C14orf132: variants seen among roughly 807,000 people sequenced by gnomAD.
The protein encoded by C14orf132 is chromosome 14 open reading frame 132.
A neutral mutation model predicts 5.8 loss-of-function variants in C14orf132; 6 were observed. The observed-to-expected ratio is 1.03, with a 90% CI of 0.57 to 2.04. The LOEUF is 2.04. C14orf132 is among the 30% of genes most tolerant of loss of function. The pLI, the probability that C14orf132 is intolerant of heterozygous loss-of-function variation, is 0.00. For synonymous variants in C14orf132, 51 were observed against 49.8 expected, an observed-to-expected ratio of 1.02 and a Z score of -0.10; for missense variants, 125 against 115.8, an observed-to-expected ratio of 1.08 and a Z score of -0.37.
Position 96,091,857 on chromosome 14 carries a change from CCT to C in C14orf132, c.*5127_*5128del, listed in dbSNP as rs999918281. The C allele has an allele frequency of 6.6e-6, 1 of 152,126 alleles. No homozygotes were observed. Among genetic ancestry groups the C allele is most frequent in the Non-Finnish European group, 1.5e-5 (1 of 68,034 alleles). 9.4% of individuals were successfully genotyped at this position (152,126 alleles called of 1,614,324 possible). On this transcript the variant is annotated 3_prime_UTR_variant, in exon 2 of 2. Coordinates refer to ENST00000555004, the MANE Select transcript of C14orf132 (RefSeq NM_001252507.3). ...CACAGCTTCCAAGCAGGAAAAGGGA[CCT>C]CTCTGAAAAATCTGGATAACCAGAA...
chr14:96,073,607 T>C (rs1425398817), intron 1 of C14orf132, among the ~76,000 whole-genome samples: 1 of 152,180 alleles, frequency 6.6e-6, no homozygotes, highest in Non-Finnish European at 1.5e-5. Context: ...AGCTCAACCG[T>C]TTTGGAAGAC....
chr14:96,069,178 T>A (rs1345500454), intron 1 of C14orf132, among the ~76,000 whole-genome samples: 4 of 119,880 alleles, frequency 3.3e-5, no homozygotes, highest in Non-Finnish European at 6.7e-5. Flanking sequence ...CATATATATA[T>A]GTATATATAT....
intron 1 of C14orf132, among the ~76,000 whole-genome samples, chr14:96,064,359 T>TACACAC (rs766139041): frequency 2.1e-4 from 21 of 98,692 alleles, no homozygotes; most frequent in South Asian, 2.0e-3. Flanking sequence ...CTAGGGTGCA[T>TACACAC]ATATACACAC....
chr14:96,056,005 C>A (rs527769224), intron 1 of C14orf132, among the ~76,000 whole-genome samples: 1 of 152,208 alleles, frequency 6.6e-6, no homozygotes, highest in East Asian at 1.9e-4. Context: ...AGGAACCCAC[C>A]CCCTGGGATT....
chr14:96,058,748 C>T (rs1887257180), intron 1 of C14orf132, among the ~76,000 whole-genome samples: 1 of 152,194 alleles, frequency 6.6e-6, no homozygotes, highest in Admixed American at 6.5e-5. Context: ...CATAGATTTC[C>T]CTGCCTGGCC....
chr14:96,055,195 A>G (rs762417471), intron 1 of C14orf132, among the ~76,000 whole-genome samples: 1 of 152,194 alleles, frequency 6.6e-6, no homozygotes, highest in Non-Finnish European at 1.5e-5. Context: ...TGCAGGTCCC[A>G]TGGGGCAATG....
chr14:96,074,795 CACTA>C (rs1887813733), intron 1 of C14orf132, among the ~76,000 whole-genome samples: 2 of 32,118 alleles, frequency 6.2e-5, no homozygotes, highest in African/African-American at 2.4e-4. Flanking sequence ...CTTTTGCTAA[CACTA>C]CACTGTCTTG....
chr14:96,049,511 T>TATACGTATATATATACACATATATAC lies in C14orf132; in HGVS notation c.27+10002_27+10027dup, dbSNP rs1459139484. Among the ~76,000 whole-genome samples the TATACGTATATATATACACATATATAC allele has an allele frequency of 6.2e-5, 9 of 144,686 alleles. No individual in the cohort carries two copies. The South Asian group carries it at 1.5e-3, about 24-fold the overall frequency. 94.9% of individuals were successfully genotyped at this position (144,686 alleles called of 152,430 possible). A position where few individuals can be genotyped will look rare whatever the true frequency, so the allele number is the denominator to read the frequency against. ...GCATATATATACGTATATATACGTA[T>TATACGTATATATATACACATATATAC]ATACGTATATATATACACATATATA... On this transcript the variant is annotated intron_variant, in intron 1 of 1. Transcript: ENST00000555004.
chr14:96,049,535 TACATAC>T (rs1886943346), intron 1 of C14orf132, among the ~76,000 whole-genome samples: 1 of 140,384 alleles, frequency 7.1e-6, no homozygotes, highest in Non-Finnish European at 1.5e-5. Flanking sequence ...TACACATATA[TACATAC>T]GTATATATAT....
chr14:96,089,639 A>C lies in C14orf132; in HGVS notation c.*2904A>C, dbSNP rs1209304836. Reference sequence around the variant, plus strand: ...CTGTCCTCAGAGTGGAACATGCTCAACCTCCCGCCCACTGCTCTCTCTCTG... The same window carrying C: ...CTGTCCTCAGAGTGGAACATGCTCACCCTCCCGCCCACTGCTCTCTCTCTG... On this transcript the variant is annotated 3_prime_UTR_variant, in exon 2 of 2. Transcript: ENST00000555004. The C allele has an allele frequency of 6.6e-6, 1 of 151,940 alleles. No individual in the cohort carries two copies. The highest frequency in any genetic ancestry group is 1.5e-5 in the Non-Finnish European group (1 of 68,090). The allele number at this position is 151,940 out of a possible 1,614,324, so 9.4% of individuals were successfully genotyped here.
intron 1 of C14orf132, among the ~76,000 whole-genome samples, chr14:96,065,199 T>A (rs1338723805): frequency 6.6e-6 from 1 of 152,166 alleles, no homozygotes; most frequent in East Asian, 1.9e-4. Context: ...TGTGCCTTCC[T>A]CTTCTGCTCA....
At chr14:96,070,144 A>G (rs190778652) in intron 1 of C14orf132, among the ~76,000 whole-genome samples, 29 of 152,358 alleles carry the variant, frequency 1.9e-4, no homozygotes, top group African/African-American at 7.0e-4. Flanking sequence ...CCTATGAAGT[A>G]GGAGCCTTGT....
At chr14:96,081,510 T>C (rs938089456) in intron 1 of C14orf132, among the ~76,000 whole-genome samples, 4 of 152,222 alleles carry the variant, frequency 2.6e-5, no homozygotes, top group African/African-American at 4.8e-5. Context: ...GGTCTAGGCA[T>C]TGGGGATACT....
Position 96,039,733 on chromosome 14 carries a change from C to G in C14orf132, c.27+206C>G, listed in dbSNP as rs1886633871. On this transcript the variant is annotated intron_variant, in intron 1 of 1. Coordinates refer to ENST00000555004, the MANE Select transcript of C14orf132 (RefSeq NM_001252507.3). This position sits in a 1 kb window ranked among gnomAD's most constrained non-coding sequence, Gnocchi z 5.3. ...TCCCGGGGTGGGGCGGGCTGCGCGC[C>G]CCGCACCCCCGCGGCTCGAGCTGTT... Among the ~76,000 whole-genome samples, 1 of 152,164 alleles carries G rather than the reference C, an allele frequency of 6.6e-6. No individual in the cohort carries two copies. Among genetic ancestry groups the G allele is most frequent in the Non-Finnish European group, 1.5e-5 (1 of 68,014 alleles).
rs1379685225 is a variant in C14orf132, at chr14:96,089,737, G to C, written c.*3002G>C. 1 of 152,216 alleles carries C rather than the reference G, an allele frequency of 6.6e-6. No homozygotes were observed. The highest frequency in any genetic ancestry group is 2.1e-4 in the South Asian group (1 of 4,830). 9.4% of individuals were successfully genotyped at this position (152,216 alleles called of 1,614,324 possible). On this transcript the variant is annotated 3_prime_UTR_variant, in exon 2 of 2. Coordinates refer to ENST00000555004, the MANE Select transcript of C14orf132 (RefSeq NM_001252507.3). ...GACTGAACTCAAGTCTCCTTGGAAG[G>C]CCCCGGTGAAGCTCCCAGAGACTGG...
At position 96,091,047 on chromosome 14, in the gene C14orf132, T is replaced by G; in HGVS notation, c.*4312T>G. The G allele has an allele frequency of 2.2e-6, 1 of 455,668 alleles. No homozygotes were observed. Among genetic ancestry groups the G allele is most frequent in the Non-Finnish European group, 4.4e-6 (1 of 226,598 alleles). 28.2% of individuals were successfully genotyped at this position (455,668 alleles called of 1,614,324 possible). ...TTGCCCCTGGGGGCAGGAATGAGGA[T>G]GCAGAGAGATGCACGTTAATTACTG... On this transcript the variant is annotated 3_prime_UTR_variant, in exon 2 of 2. Transcript: ENST00000555004.
chr14:96,091,086 T>A lies in C14orf132; in HGVS notation c.*4351T>A. The A allele has an allele frequency of 2.2e-6, 1 of 446,074 alleles. No homozygotes were observed. 27.6% of individuals were successfully genotyped at this position (446,074 alleles called of 1,614,324 possible). A position where few individuals can be genotyped will look rare whatever the true frequency, so the allele number is the denominator to read the frequency against. The stretch of plus-strand genomic sequence containing the variant: ...CGTTAATTACTGTCGCATTTTTCTG[T>A]GGAGAAAACTGAGGCCAGGGCTGAA... On this transcript the variant is annotated 3_prime_UTR_variant, in exon 2 of 2. Transcript: ENST00000555004.
rs940778464 is a variant in C14orf132 at position 96,091,374 on chromosome 14, A to C, written c.*4639A>C. 30 of 225,794 alleles carry C rather than the reference A, an allele frequency of 1.3e-4. No individual in the cohort carries two copies. The highest frequency in any genetic ancestry group is 1.6e-4 in the Admixed American group (3 of 18,958). The allele number at this position is 225,794 out of a possible 1,614,324, so 14.0% of individuals were successfully genotyped here. ...TGATAAGAGGCTTTAGAGAGCATCT[A>C]ATCGAGACCTTTAATTTTTCGGGGA... On this transcript the variant is annotated 3_prime_UTR_variant, in exon 2 of 2. Transcript: ENST00000555004.
chr14:96,063,258 C>A (rs1360073587), intron 1 of C14orf132, among the ~76,000 whole-genome samples: 3 of 152,068 alleles, frequency 2.0e-5, no homozygotes, highest in Non-Finnish European at 4.4e-5. Flanking sequence ...TAAGAACTGA[C>A]CTCTTGAAAA....
Sources: allele counts gnomAD v4.1 joint callset (sites outside exome capture counted in the v4.1 genomes callset), GRCh38; gene constraint gnomAD v4.1.1; non-coding constraint Gnocchi (gnomAD v3.1); transcripts MANE v1.5; gene names NCBI Gene and HGNC (gene_info 2026-07-23, HGNC 2026-07-21).